Variants in TFDP1 observed in about 807,000 individuals in gnomAD.
TFDP1 encodes DRTF1-polypeptide 1.
A neutral mutation model predicts 48.0 loss-of-function variants in TFDP1; 6 were observed. The ratio of observed to expected loss-of-function variants is 0.13; its 90% CI spans 0.07 to 0.25. The LOEUF is 0.25. Among genes scored for constraint, TFDP1 ranks in the 10% least tolerant of loss-of-function variants. The probability of loss-of-function intolerance (pLI) is 1.00; values close to 1 mark genes in which losing one functional copy is unlikely to be tolerated. For missense variants in TFDP1, 335 were observed against 543.0 expected (o/e 0.62, Z 3.81); for synonymous variants, 201 against 211.6 (o/e 0.95, Z 0.44).
intron 5 of TFDP1, 37 bp downstream of exon 5, chr13:113,631,781 CTGCT>C: frequency 6.2e-7 from 1 of 1,608,388 alleles, no homozygotes; most frequent in African/African-American, 1.3e-5. Context: ...AGTTGTAGGA[CTGCT>C]TGCGGTTCGC....
rs893354841 is a variant in TFDP1, at chr13:113,584,779, ACGGCCGGGACCGCC to A, written c.-168_-155del. On this transcript the variant is annotated 5_prime_UTR_variant, in exon 1 of 12. Coordinates refer to ENST00000375370, the MANE Select transcript of TFDP1 (RefSeq NM_007111.5). ...CTCGGCCCAGGGCAGGGACCCCGCC[ACGGCCGGGACCGCC>A]CGGCCCGGCCCCAGCCCGCGCCTCT... 1 of 145,704 alleles carries A rather than the reference ACGGCCGGGACCGCC, an allele frequency of 6.9e-6. No individual in the cohort carries two copies. Among genetic ancestry groups the A allele is most frequent in the African/African-American group, 2.5e-5 (1 of 40,528 alleles). The allele number at this position is 145,704 out of a possible 1,614,324, so 9.0% of individuals were successfully genotyped here. A position where few individuals can be genotyped will look rare whatever the true frequency, so the allele number is the denominator to read the frequency against.
rs935595285 is a variant in TFDP1, at chr13:113,627,790, G to T, written c.187-3833G>T. Among the ~76,000 whole-genome samples the T allele has an allele frequency of 2.6e-5, 4 of 152,158 alleles. No individual in the cohort carries two copies. The highest frequency in any genetic ancestry group is 2.6e-4 in the Admixed American group (4 of 15,282). On this transcript the variant is annotated intron_variant, in intron 4 of 11. Transcript: ENST00000375370. The surrounding 1 kb of genome is among the most constrained non-coding windows in gnomAD (Gnocchi z 4.1). ...TCCGTATGAGAATCGAATGCCTGAT[G>T]ATCTGAGGTGGGACAGTTTCTTCCC...
In TFDP1 at chr13:113,633,026, A is replaced by C. The variant is rs4150783; in HGVS notation, c.309-94A>C. 1.3e-6 allele frequency: 2 copies of C among 1,506,284 alleles called. No homozygotes were observed. The highest frequency in any genetic ancestry group is 2.8e-5 in the African/African-American group (2 of 71,060). The allele number at this position is 1,506,284 out of a possible 1,614,324, so 93.3% of individuals were successfully genotyped here. On this transcript the variant is annotated intron_variant, in intron 5 of 11. Transcript: ENST00000375370. This position sits in a 1 kb window ranked among gnomAD's most constrained non-coding sequence, Gnocchi z 4.5. Reference sequence around the variant, plus strand: ...CGTGGGACGTGGCCCCTTTTTGTGCAGCTCATTAGAGCTCTCAGGTAAAAG... The same window carrying C: ...CGTGGGACGTGGCCCCTTTTTGTGCCGCTCATTAGAGCTCTCAGGTAAAAG...
Position 113,636,762 on chromosome 13 carries a change from T to C in TFDP1, c.1006+62T>C, listed in dbSNP as rs561050200. On this transcript the variant is annotated intron_variant, in intron 10 of 11. Coordinates refer to ENST00000375370, the MANE Select transcript of TFDP1 (RefSeq NM_007111.5). The stretch of plus-strand genomic sequence containing the variant: ...AGGAATGGCCCCCAGCCTCCGACGG[T>C]GCCCTCCCCTCCCGGCTCGGGATGT... The C allele has an allele frequency of 5.5e-4, 857 of 1,559,258 alleles. 3 individuals carry two copies. The African/African-American group carries it at 0.011, about 19-fold the overall frequency.
intron 3 of TFDP1, among the ~76,000 whole-genome samples, chr13:113,617,992 C>T (rs972208035): frequency 6.6e-6 from 1 of 152,208 alleles, no homozygotes; most frequent in East Asian, 1.9e-4. Flanking sequence ...AAGGAATTCT[C>T]CATTTAAAAT....
At chr13:113,606,837 T>A (rs937722773) in intron 2 of TFDP1, among the ~76,000 whole-genome samples, 15 of 152,184 alleles carry the variant, frequency 9.9e-5, no homozygotes, top group Non-Finnish European at 1.9e-4. Flanking sequence ...CGGTGTGGGG[T>A]AAGCGCATCC....
intron 3 of TFDP1, among the ~76,000 whole-genome samples, chr13:113,613,478 A>G (rs1326620112): frequency 9.9e-5 from 15 of 152,212 alleles, no homozygotes; most frequent in African/African-American, 3.4e-4. Context: ...CTGTTTAACA[A>G]ATAGAATGGT....
At position 113,618,971 on chromosome 13, in the gene TFDP1, A is replaced by G. The variant is rs151173113; in HGVS notation, c.80-4209A>G. On this transcript the variant is annotated intron_variant, in intron 3 of 11. Coordinates refer to ENST00000375370, the MANE Select transcript of TFDP1 (RefSeq NM_007111.5). ...CACATCCTGGAAAAGTATGAAAAAT[A>G]AAGTGAGTACGTCCCTGCAGGCCCT... 3.9e-5 allele frequency among the ~76,000 whole-genome samples: 6 copies of G among 152,348 alleles called. No individual in the cohort carries two copies. The East Asian group carries it at 9.6e-4, about 24-fold the overall frequency.
chr13:113,613,119 C>T (rs1054781408), intron 3 of TFDP1, among the ~76,000 whole-genome samples: 3 of 152,296 alleles, frequency 2.0e-5, no homozygotes, highest in East Asian at 1.9e-4. Context: ...CGGATTCAAG[C>T]GATTCTCCTG....
chr13:113,615,242 CACTT>C (rs922408320), intron 3 of TFDP1, among the ~76,000 whole-genome samples: 26 of 152,210 alleles, frequency 1.7e-4, no homozygotes, highest in African/African-American at 5.8e-4. Context: ...TTTGCACACA[CACTT>C]TGTGTGTCTG....
At position 113,627,551 on chromosome 13, in the gene TFDP1, C is replaced by T. The variant is rs368052771; in HGVS notation, c.187-4072C>T. On this transcript the variant is annotated intron_variant, in intron 4 of 11. Transcript: ENST00000375370. This position sits in a 1 kb window ranked among gnomAD's most constrained non-coding sequence, Gnocchi z 4.1. ...GTGGGGTCACACTACACGGAGACAT[C>T]GTAATCTCAGTTTTTAGAGTGTGTG... Among the ~76,000 whole-genome samples, 2 of 152,108 alleles carry T rather than the reference C, an allele frequency of 1.3e-5. No homozygotes were observed. Among genetic ancestry groups the T allele is most frequent in the African/African-American group, 4.8e-5 (2 of 41,404 alleles).
chr13:113,633,886 C>G lies in TFDP1; in HGVS notation c.475-4C>G. The G allele has an allele frequency of 6.2e-7, 1 of 1,607,938 alleles. No homozygotes were observed. Among genetic ancestry groups the G allele is most frequent in the Admixed American group, 1.7e-5 (1 of 59,758 alleles). ...TTGGAAACTCCACTCCCTGTCATCC[C>G]CAGGCTTATGACCAGAAAAACATAA... On this transcript the variant is annotated splice_polypyrimidine_tract_variant and splice_region_variant and intron_variant, in intron 6 of 11. Coordinates refer to ENST00000375370, the MANE Select transcript of TFDP1 (RefSeq NM_007111.5). This position sits in a 1 kb window ranked among gnomAD's most constrained non-coding sequence, Gnocchi z 4.5.
chr13:113,619,612 G>T (rs968987275), intron 3 of TFDP1, among the ~76,000 whole-genome samples: 1 of 152,070 alleles, frequency 6.6e-6, no homozygotes, highest in Non-Finnish European at 1.5e-5. Flanking sequence ...CTTGCTGCTC[G>T]CTGTGGTCGG....
chr13:113,599,834 A>G (rs1162036166), intron 2 of TFDP1, among the ~76,000 whole-genome samples: 5 of 138,574 alleles, frequency 3.6e-5, no homozygotes, highest in South Asian at 2.4e-4. Context: ...ACCCAGGACC[A>G]TGAGAAAGAA....
intron 4 of TFDP1, among the ~76,000 whole-genome samples, chr13:113,625,151 C>G (rs1191152101): frequency 1.5e-5 from 2 of 131,514 alleles, no homozygotes; most frequent in African/African-American, 6.1e-5. Context: ...CTCACGTGTC[C>G]TCAGGTGTCT....
chr13:113,587,547 C>T (rs536172820), intron 2 of TFDP1, among the ~76,000 whole-genome samples: 3 of 146,762 alleles, frequency 2.0e-5, no homozygotes, highest in Admixed American at 1.4e-4. Context: ...TGCAGTGACG[C>T]GATCTTGGCT....
intron 4 of TFDP1, among the ~76,000 whole-genome samples, chr13:113,626,975 G>A (rs2049196787): frequency 1.3e-5 from 2 of 152,206 alleles, no homozygotes; most frequent in South Asian, 2.1e-4. Context: ...TTTAAACTTC[G>A]TCACTGAAAG....
At chr13:113,629,235 G>T (rs1340104516) in intron 4 of TFDP1, among the ~76,000 whole-genome samples, 1 of 152,210 alleles carries the variant, frequency 6.6e-6, no homozygotes, top group Non-Finnish European at 1.5e-5. Context: ...CTTCCGCAGG[G>T]AGCAGTTAAA....
chr13:113,591,465 T>C (rs367778725), intron 2 of TFDP1, among the ~76,000 whole-genome samples: 2 of 152,214 alleles, frequency 1.3e-5, no homozygotes, highest in African/African-American at 4.8e-5. Context: ...TAATCAGCTC[T>C]TTGTTAGCTC....
Sources: gnomAD v4.1 joint callset for allele counts (sites outside exome capture counted in the v4.1 genomes callset) on GRCh38, gnomAD v4.1.1 for gene constraint, Gnocchi (gnomAD v3.1) non-coding constraint, MANE v1.5 for transcripts, NCBI Gene and HGNC (gene_info 2026-07-23, HGNC 2026-07-21) for gene names.